Variants in GLI3 observed in about 807,000 individuals in gnomAD.
GLI3 encodes GLI family zinc finger 3.
In GLI3, 20 loss-of-function variants were observed where a neutral mutation model predicts 100.8. The ratio of observed to expected loss-of-function variants is 0.20; its 90% CI spans 0.14 to 0.29. GLI3 has a LOEUF of 0.29. GLI3 is among the 10% of genes least tolerant of loss of function. GLI3 has a pLI of 1.00. For missense variants in GLI3, 2,040 were observed against 2,128.5 expected, an observed-to-expected ratio of 0.96 and a Z score of 0.82; for synonymous variants, 938 against 860.5, an observed-to-expected ratio of 1.09 and a Z score of -1.58.
Position 41,961,949 on chromosome 7 carries a change from G to A in GLI3, c.*2381C>T, listed in dbSNP as rs1787023547. 1 of 151,620 alleles carries A rather than the reference G, an allele frequency of 6.6e-6. No homozygotes were observed. Among genetic ancestry groups the A allele is most frequent in the African/African-American group, 2.4e-5 (1 of 41,194 alleles). The allele number at this position is 151,620 out of a possible 1,614,324, so 9.4% of individuals were successfully genotyped here. ...ACTTGCATCTCCTGCAAATCTAAAA[G>A]CAGTAGAAAGGAAAGCAAATATAAA... On this transcript the variant is annotated 3_prime_UTR_variant, in exon 15 of 15. Transcript: ENST00000395925.
chr7:42,242,139 C>CA (rs1269391335), upstream of GLI3, among the ~76,000 whole-genome samples: 2 of 152,142 alleles, frequency 1.3e-5, no homozygotes, highest in Non-Finnish European at 2.9e-5. Flanking sequence ...CACCTGGCAG[C>CA]AATGTTCTGT....
At chr7:42,229,932 T>C (rs759775690) in intron 1 of GLI3, among the ~76,000 whole-genome samples, 5 of 152,270 alleles carry the variant, frequency 3.3e-5, no homozygotes, top group East Asian at 1.9e-4. Flanking sequence ...AAACCTCTTA[T>C]AGGTTTTTAA....
intron 3 of GLI3, among the ~76,000 whole-genome samples, chr7:42,123,260 A>C (rs1043279432): frequency 2.0e-5 from 3 of 152,222 alleles, no homozygotes; most frequent in African/African-American, 7.2e-5. Context: ...ACATTTCTAC[A>C]TCCTGAATCT....
At chr7:42,125,168 T>C (rs1335588700) in intron 3 of GLI3, among the ~76,000 whole-genome samples, 4 of 152,186 alleles carry the variant, frequency 2.6e-5, no homozygotes, top group Non-Finnish European at 4.4e-5. Flanking sequence ...CTTACAGTCC[T>C]CACGCTAACA....
At chr7:42,104,691 A>G (rs7787414) in intron 3 of GLI3, among the ~76,000 whole-genome samples, 16,233 of 152,212 alleles carry the variant, frequency 0.11, 952 homozygotes, top group African/African-American at 0.16. Context: ...TAAAATTCAC[A>G]TATTGAACTC....
At chr7:42,211,505 G>A (rs1476644858) in intron 2 of GLI3, among the ~76,000 whole-genome samples, 4 of 152,130 alleles carry the variant, frequency 2.6e-5, no homozygotes, top group African/African-American at 9.7e-5. Context: ...TTAAATGCTT[G>A]GAACAAATCT....
In GLI3 at chr7:42,018,476, C is replaced by G. The variant is rs192957857; in HGVS notation, c.1497+4992G>C. Among the ~76,000 whole-genome samples, 293 of 152,274 alleles carry G rather than the reference C, an allele frequency of 1.9e-3. 2 individuals are homozygous for G. Among genetic ancestry groups the G allele is most frequent in the East Asian group, 1.4e-3 (7 of 5,172 alleles). ...AAAGGGATCGAAATTATATGGGAAACATTTAAAATGCAAATTTAGGATCAC... is the reference window on the plus strand; with the variant it reads ...AAAGGGATCGAAATTATATGGGAAAGATTTAAAATGCAAATTTAGGATCAC... On this transcript the variant is annotated intron_variant, in intron 10 of 14. Coordinates refer to ENST00000395925, the MANE Select transcript of GLI3 (RefSeq NM_000168.6).
At position 41,964,491 on chromosome 7, in the gene GLI3, T is replaced by G; in HGVS notation, c.4582A>C (p.Ile1528Leu). The change falls in exon 15 of 15, where the codon ATT becomes CTT. Residue 1528 changes from isoleucine (I) to leucine (L), a missense_variant. Ile to Leu is a conservative substitution (Grantham distance 5, BLOSUM62 2). This residue lies in a region of GLI3 where 1,041 missense variants were observed against 924.0 expected (regional missense o/e 1.13). Coordinates refer to ENST00000395925, the MANE Select transcript of GLI3 (RefSeq NM_000168.6). ...GAGGAGCTATGGGAAAGGTTCTGAA[T>G]GATACTTGGGCTCAGGGCCCCCGAC... ...LMSGALSPSIIQNLSHSSSRL... is the reference protein window; with the variant it reads ...LMSGALSPSILQNLSHSSSRL... 3 of 1,614,188 alleles carry G rather than the reference T, an allele frequency of 1.9e-6. No individual in the cohort carries two copies. The highest frequency in any genetic ancestry group is 2.5e-6 in the Non-Finnish European group (3 of 1,180,012).
chr7:41,998,122 T>C (rs1375399731), intron 10 of GLI3, among the ~76,000 whole-genome samples: 2 of 152,176 alleles, frequency 1.3e-5, no homozygotes, highest in African/African-American at 4.8e-5. Context: ...TCTAAGGTAA[T>C]GCTTGGAAAG....
intron 2 of GLI3, among the ~76,000 whole-genome samples, chr7:42,210,648 G>A (rs1583650844): frequency 6.6e-6 from 1 of 151,756 alleles, no homozygotes; most frequent in South Asian, 2.1e-4. Flanking sequence ...AGTAGTAAAC[G>A]AAAATAAAAC....
rs1054105768 is a variant in GLI3 at position 41,966,767 on chromosome 7, A to G, written c.2432-126T>C. ...AACTATTTCTGGTGTCCCAGGCCAC[A>G]TTGCCTGCCTCACAACTACTCAGCT... On this transcript the variant is annotated intron_variant, in intron 14 of 14. Transcript: ENST00000395925. The surrounding 1 kb of genome is among the most constrained non-coding windows in gnomAD (Gnocchi z 5.8). 2.2e-6 allele frequency: 2 copies of G among 918,406 alleles called. No individual in the cohort carries two copies. The highest frequency in any genetic ancestry group is 3.5e-6 in the Non-Finnish European group (2 of 577,272). The allele number at this position is 918,406 out of a possible 1,614,324, so 56.9% of individuals were successfully genotyped here. A position where few individuals can be genotyped will look rare whatever the true frequency, so the allele number is the denominator to read the frequency against.
chr7:42,007,253 A>T (rs1305857432), intron 10 of GLI3, among the ~76,000 whole-genome samples: 1 of 151,946 alleles, frequency 6.6e-6, no homozygotes, highest in Non-Finnish European at 1.5e-5. Flanking sequence ...GAAGGAAGAA[A>T]AAAGAACCCA....
intron 2 of GLI3, among the ~76,000 whole-genome samples, chr7:42,206,936 G>A (rs1055574846): frequency 2.0e-5 from 3 of 152,182 alleles, no homozygotes; most frequent in South Asian, 2.1e-4. Context: ...CCAAACGGCC[G>A]ATAAATATCT....
At chr7:42,208,354 A>AT (rs1485223561) in intron 2 of GLI3, among the ~76,000 whole-genome samples, 1 of 152,050 alleles carries the variant, frequency 6.6e-6, no homozygotes, top group Non-Finnish European at 1.5e-5. Flanking sequence ...AAAATGAATT[A>AT]TTTTAATAAT....
At chr7:42,162,981 T>C (rs2128794432) in intron 2 of GLI3, among the ~76,000 whole-genome samples, 1 of 145,508 alleles carries the variant, frequency 6.9e-6, no homozygotes, top group South Asian at 2.3e-4. Flanking sequence ...TTTTTTTTTT[T>C]TTTTTTTTTT....
chr7:42,202,346 TCACACACACACACACA>T (rs59941465), intron 2 of GLI3, among the ~76,000 whole-genome samples: 1 of 115,248 alleles, frequency 8.7e-6, no homozygotes, highest in Non-Finnish European at 1.8e-5. Flanking sequence ...TCTCTCTCTC[TCACACACACACACACA>T]CACACACACA....
chr7:42,259,988 T>G (rs1338463427), intron 1 of GLI3, among the ~76,000 whole-genome samples: 1 of 152,236 alleles, frequency 6.6e-6, no homozygotes, highest in African/African-American at 2.4e-5. Flanking sequence ...GGACTGTAGT[T>G]TGGTTCTGTG....
At chr7:42,038,902 T>A (rs1367260822) in intron 7 of GLI3, among the ~76,000 whole-genome samples, 4 of 152,214 alleles carry the variant, frequency 2.6e-5, no homozygotes, top group Admixed American at 2.0e-4. Flanking sequence ...TAATCTACCA[T>A]GGAAGACCTA....
upstream of GLI3, among the ~76,000 whole-genome samples, chr7:42,241,727 A>G (rs573572924): frequency 6.6e-6 from 1 of 152,270 alleles, no homozygotes; most frequent in South Asian, 2.1e-4. Context: ...TGTAGCTATA[A>G]TTGGCTTGGA....
Sources: allele counts gnomAD v4.1 joint callset (sites outside exome capture counted in the v4.1 genomes callset), GRCh38; gene constraint gnomAD v4.1.1; regional missense constraint gnomAD v4.1.1; non-coding constraint Gnocchi (gnomAD v3.1); transcripts MANE v1.5; gene names NCBI Gene and HGNC (gene_info 2026-07-23, HGNC 2026-07-21).